Variants in ADGRG2 observed in about 807,000 individuals in gnomAD.
ADGRG2 encodes G protein-coupled receptor 64.
A neutral mutation model predicts 74.1 loss-of-function variants in ADGRG2; 26 were observed. That is an observed-to-expected ratio of 0.35 (90% CI 0.26 to 0.49). ADGRG2 has a LOEUF of 0.49. Ranked by LOEUF, ADGRG2 falls within the 20% of genes least tolerant of loss-of-function variation. The pLI is 0.99. For synonymous variants in ADGRG2, 296 were observed against 295.2 expected (o/e 1.00, Z -0.03); for missense variants, 619 against 763.1 (o/e 0.81, Z 2.22).
Position 19,078,094 on chromosome X carries a change from A to T in ADGRG2, c.-2+4608T>A, listed in dbSNP as rs60383857. Among the ~76,000 whole-genome samples the T allele has an allele frequency of 6.2e-5, 7 of 112,616 alleles. No homozygotes were observed. In the East Asian group the frequency reaches 1.9e-3, roughly 31 times the overall value. ...TTCAAGAGCACATGGAATGTCTGTGAAAACCATCCAGACCAACAGAAAAGT... is the reference window on the plus strand; with the variant it reads ...TTCAAGAGCACATGGAATGTCTGTGTAAACCATCCAGACCAACAGAAAAGT... On this transcript the variant is annotated intron_variant, in intron 2 of 28. Coordinates refer to ENST00000379869, the MANE Select transcript of ADGRG2 (RefSeq NM_001079858.3).
chrX:19,046,151 A>C (rs1486027365), intron 3 of ADGRG2, among the ~76,000 whole-genome samples: 1 of 112,626 alleles, frequency 8.9e-6, no homozygotes, highest in African/African-American at 3.2e-5. Flanking sequence ...GAGGTGTGGC[A>C]CCATGCCCAG....
intron 1 of ADGRG2, among the ~76,000 whole-genome samples, chrX:19,121,228 T>C (rs2062604140): frequency 8.9e-6 from 1 of 111,884 alleles, no homozygotes; most frequent in Non-Finnish European, 1.9e-5. Context: ...GGGCCATGCG[T>C]TGAGACCCCT....
intron 15 of ADGRG2, among the ~76,000 whole-genome samples, chrX:19,018,273 TTTTGTTTG>T (rs974836715): frequency 9.1e-6 from 1 of 109,466 alleles, no homozygotes; most frequent in African/African-American, 3.4e-5. Flanking sequence ...ATGCCCAGTT[TTTTGTTTG>T]TTTGTTTGTT....
intron 11 of ADGRG2, among the ~76,000 whole-genome samples, chrX:19,026,256 T>C (rs1056739041): frequency 8.9e-6 from 1 of 112,831 alleles, no homozygotes; most frequent in Admixed American, 9.4e-5. Context: ...GAAAGATTTT[T>C]CTTTTCAGTG....
At chrX:19,105,228 T>G (rs1319973966) in intron 1 of ADGRG2, among the ~76,000 whole-genome samples, 1 of 112,200 alleles carries the variant, frequency 8.9e-6, no homozygotes, top group Non-Finnish European at 1.9e-5. Flanking sequence ...GTTATTCTCT[T>G]TGACTCATCC....
In ADGRG2 at chrX:19,090,453, G is replaced by A. The variant is rs772511806; in HGVS notation, c.-46-7707C>T. Among the ~76,000 whole-genome samples, 22 of 111,767 alleles carry A rather than the reference G, an allele frequency of 2.0e-4. No homozygotes were observed. In the South Asian group the frequency reaches 4.5e-3, roughly 23 times the overall value. On this transcript the variant is annotated intron_variant, in intron 1 of 28. Transcript: ENST00000379869. ...AAGACCCCCTCCCTCACGTGGCTGC[G>A]CAGGCTAAGAAAGAAGAAAATATAT...
intron 2 of ADGRG2, among the ~76,000 whole-genome samples, chrX:19,080,218 TTC>T (rs1317356708): frequency 9.0e-6 from 1 of 110,616 alleles, no homozygotes. Flanking sequence ...CTGAGGGGTG[TTC>T]TGTTTTTTGG....
chrX:19,018,432 C>T (rs2060514858), intron 15 of ADGRG2, among the ~76,000 whole-genome samples: 2 of 111,296 alleles, frequency 1.8e-5, no homozygotes, highest in South Asian at 7.5e-4. Flanking sequence ...CCAGAAGGGC[C>T]TTAATGCCTA....
intron 1 of ADGRG2, among the ~76,000 whole-genome samples, chrX:19,089,164 C>A (rs2061976541): frequency 8.9e-6 from 1 of 111,875 alleles, no homozygotes; most frequent in African/African-American, 3.2e-5. Flanking sequence ...TTTAAAAATT[C>A]AATATGAAGA....
At chrX:18,997,001 T>A (rs748783498) in intron 26 of ADGRG2, among the ~76,000 whole-genome samples, 5 of 111,537 alleles carry the variant, frequency 4.5e-5, no homozygotes, top group Non-Finnish European at 9.4e-5. Flanking sequence ...AGTGGGAGGA[T>A]CACTTGAACC....
chrX:19,120,814 A>G (rs902917553), intron 1 of ADGRG2, among the ~76,000 whole-genome samples: 2 of 112,660 alleles, frequency 1.8e-5, no homozygotes, highest in African/African-American at 6.5e-5. Context: ...TAAGAAAAGT[A>G]AAATATTTCG....
chrX:19,113,444 T>C (rs2062451789), intron 1 of ADGRG2, among the ~76,000 whole-genome samples: 1 of 112,062 alleles, frequency 8.9e-6, no homozygotes, highest in Non-Finnish European at 1.9e-5. Flanking sequence ...ATCAGGTCTA[T>C]TGTCAAAATT....
At chrX:19,074,101 G>A (rs994207395) in intron 2 of ADGRG2, among the ~76,000 whole-genome samples, 1 of 110,738 alleles carries the variant, frequency 9.0e-6, no homozygotes, top group African/African-American at 3.3e-5. Context: ...CAATGACTTC[G>A]ATACAGGAAA....
At position 19,040,228 on chromosome X, in the gene ADGRG2, T is replaced by C. The variant is rs770015487; in HGVS notation, c.119-4A>G. 22 of 1,128,700 alleles carry C rather than the reference T, an allele frequency of 1.9e-5. No individual in the cohort carries two copies. Among genetic ancestry groups the C allele is most frequent in the Non-Finnish European group, 2.4e-5 (20 of 825,782 alleles). The allele number at this position is 1,128,700 out of a possible 1,213,427, so 93.0% of individuals were successfully genotyped here. ...AAACTGGAATTATCAGTATCTTCTGTTGAGGAAAAGAGGTGATTCAGAATT... is the reference window on the plus strand; with the variant it reads ...AAACTGGAATTATCAGTATCTTCTGCTGAGGAAAAGAGGTGATTCAGAATT... On this transcript the variant is annotated splice_region_variant and splice_polypyrimidine_tract_variant and intron_variant, in intron 3 of 28. Coordinates refer to ENST00000379869, the MANE Select transcript of ADGRG2 (RefSeq NM_001079858.3).
chrX:19,078,380 C>G (rs776060543), intron 2 of ADGRG2, among the ~76,000 whole-genome samples: 4 of 110,198 alleles, frequency 3.6e-5, no homozygotes, highest in South Asian at 3.9e-4. Context: ...TGGGACCCCC[C>G]CTCCATCTCT....
chrX:19,058,022 T>G (rs750777081), intron 3 of ADGRG2, among the ~76,000 whole-genome samples: 6 of 111,116 alleles, frequency 5.4e-5, no homozygotes, highest in African/African-American at 2.0e-4. Flanking sequence ...GGGCTTGGAG[T>G]TCACTGGAAG....
chrX:19,091,906 T>C (rs1261588437), intron 1 of ADGRG2, among the ~76,000 whole-genome samples: 1 of 112,264 alleles, frequency 8.9e-6, no homozygotes, highest in Non-Finnish European at 1.9e-5. Context: ...ATGGTGGTGG[T>C]GGTGATGAAT....
intron 1 of ADGRG2, among the ~76,000 whole-genome samples, chrX:19,084,531 CAT>C (rs2061907856): frequency 8.9e-6 from 1 of 112,026 alleles, no homozygotes; most frequent in African/African-American, 3.2e-5. Flanking sequence ...ATTGCGAACA[CAT>C]GTCCCAATGC....
At chrX:19,100,114 A>G (rs1247504741) in intron 1 of ADGRG2, among the ~76,000 whole-genome samples, 1 of 112,098 alleles carries the variant, frequency 8.9e-6, no homozygotes, top group African/African-American at 3.2e-5. Context: ...GCCTCAGTTG[A>G]GTCACCTGTA....
Sources: gnomAD v4.1 joint callset for allele counts (sites outside exome capture counted in the v4.1 genomes callset) on GRCh38, gnomAD v4.1.1 for gene constraint, MANE v1.5 for transcripts, NCBI Gene and HGNC (gene_info 2026-07-23, HGNC 2026-07-21) for gene names.